The following PIK3C3 variants were observed in gnomAD, a reference collection of about 807,000 sequenced individuals.
The protein encoded by PIK3C3 is phosphatidylinositol 3-kinase catalytic subunit type 3, also known as PI3-kinase type 3.
In PIK3C3, 95 loss-of-function variants were observed where a neutral mutation model predicts 126.1. The observed-to-expected ratio is 0.75, with a 90% confidence interval of 0.64 to 0.89. The LOEUF is 0.89. PIK3C3 is among the 40% of genes least tolerant of loss of function. The pLI is 0.00. For missense variants in PIK3C3, 829 were observed against 1,063.2 expected (o/e 0.78, Z 3.06); for synonymous variants, 374 against 360.0 (o/e 1.04, Z -0.44).
At chr18:42,066,431 C>T (rs999590737) in intron 23 of PIK3C3, among the ~76,000 whole-genome samples, 1 of 152,034 alleles carries the variant, frequency 6.6e-6, no homozygotes, top group Non-Finnish European at 1.5e-5. Context: ...TTCTCCTAGC[C>T]TGTCTTTGAG....
intron 13 of PIK3C3, 111 bp downstream of exon 13, chr18:42,020,816 T>G (rs1434735202): frequency 1.5e-6 from 1 of 649,958 alleles, no homozygotes; most frequent in East Asian, 2.8e-5. Context: ...TCATCAAAAG[T>G]CTAGATATAG....
Position 42,081,185 on chromosome 18 carries a change from T to C in PIK3C3, c.*48T>C. 1 of 1,412,166 alleles carries C rather than the reference T, an allele frequency of 7.1e-7. No homozygotes were observed. The highest frequency in any genetic ancestry group is 9.9e-7 in the Non-Finnish European group (1 of 1,005,634). 87.5% of individuals were successfully genotyped at this position (1,412,166 alleles called of 1,614,324 possible). On this transcript the variant is annotated 3_prime_UTR_variant, in exon 25 of 25. Coordinates refer to ENST00000262039, the MANE Select transcript of PIK3C3 (RefSeq NM_002647.4). ...TGCTTGGCTCAATAAGAAAACCACG[T>C]TAGGAGCAACCTTTGTATATTGGAG...
At chr18:42,004,564 G>A in intron 10 of PIK3C3, 23 bp downstream of exon 10, 1 of 1,549,326 alleles carries the variant, frequency 6.5e-7, no homozygotes, top group Non-Finnish European at 8.7e-7. Flanking sequence ...TTATTATTCT[G>A]CTTCAATGGG....
chr18:42,024,139 A>T (rs987534093), intron 13 of PIK3C3, among the ~76,000 whole-genome samples: 5 of 152,226 alleles, frequency 3.3e-5, no homozygotes, highest in African/African-American at 1.2e-4. Context: ...TCAAGGTAAT[A>T]AAGGTTATTT....
chr18:42,013,206 A>G (rs960512832), intron 10 of PIK3C3, among the ~76,000 whole-genome samples: 1 of 133,216 alleles, frequency 7.5e-6, no homozygotes, highest in African/African-American at 2.9e-5. Context: ...ACTTTCTTTT[A>G]TTTACTAATT....
intron 12 of PIK3C3, among the ~76,000 whole-genome samples, chr18:42,017,726 T>A (rs543395186): frequency 6.6e-6 from 1 of 152,082 alleles, no homozygotes; most frequent in Non-Finnish European, 1.5e-5. Flanking sequence ...TAATAGAGCT[T>A]TGTCTTGATT....
Position 42,083,234 on chromosome 18 carries a change from C to A in PIK3C3, c.*2097C>A, listed in dbSNP as rs1240028118. Reference sequence around the variant, plus strand: ...TCCATTGTTTTTACTCTTTAGAGCTCTATCCTCAGAGTGTAGTCTGCATAT... The same window carrying A: ...TCCATTGTTTTTACTCTTTAGAGCTATATCCTCAGAGTGTAGTCTGCATAT... On this transcript the variant is annotated 3_prime_UTR_variant, in exon 25 of 25. Coordinates refer to ENST00000262039, the MANE Select transcript of PIK3C3 (RefSeq NM_002647.4). The A allele has an allele frequency of 6.6e-6, 1 of 152,174 alleles. No homozygotes were observed. Among genetic ancestry groups the A allele is most frequent in the African/African-American group, 2.4e-5 (1 of 41,438 alleles). 9.4% of individuals were successfully genotyped at this position (152,174 alleles called of 1,614,324 possible).
chr18:42,072,093 A>G (rs939094138), intron 24 of PIK3C3, among the ~76,000 whole-genome samples: 13 of 152,226 alleles, frequency 8.5e-5, no homozygotes, highest in Non-Finnish European at 1.5e-4. Flanking sequence ...AAGTATTGAT[A>G]CTAATAAATC....
At chr18:41,988,394 A>G (rs1027669116) in intron 5 of PIK3C3, among the ~76,000 whole-genome samples, 1 of 152,154 alleles carries the variant, frequency 6.6e-6, no homozygotes, top group Non-Finnish European at 1.5e-5. Context: ...GCCAGTGTGT[A>G]TGTTTAAATA....
chr18:42,011,245 G>C (rs1186956446), intron 10 of PIK3C3, among the ~76,000 whole-genome samples: 5 of 152,202 alleles, frequency 3.3e-5, no homozygotes, highest in Non-Finnish European at 7.3e-5. Context: ...AAGAGAGTCA[G>C]TCTATGGTTG....
At chr18:41,985,624 T>C (rs1032460555) in intron 4 of PIK3C3, among the ~76,000 whole-genome samples, 1 of 152,204 alleles carries the variant, frequency 6.6e-6, no homozygotes, top group African/African-American at 2.4e-5. Flanking sequence ...TTCATTCTTT[T>C]GTGTCTAATT....
At chr18:42,048,267 G>A (rs551842674) in intron 20 of PIK3C3, among the ~76,000 whole-genome samples, 1 of 152,176 alleles carries the variant, frequency 6.6e-6, no homozygotes, top group South Asian at 2.1e-4. Flanking sequence ...CCAGGTGAAG[G>A]CTCTGTGTTT....
In PIK3C3 at chr18:41,975,359, A is replaced by T. The variant is rs190943386; in HGVS notation, c.531+4903A>T. Among the ~76,000 whole-genome samples the T allele has an allele frequency of 2.5e-3, 383 of 152,360 alleles. 2 individuals are homozygous for T. Among genetic ancestry groups the T allele is most frequent in the African/African-American group, 8.9e-3 (371 of 41,590 alleles). ...TTAATTAAGATGAAATAACATTAAA[A>T]ATTCAGTTGCTCTGTCACTTTAACT... On this transcript the variant is annotated intron_variant, in intron 4 of 24. Transcript: ENST00000262039.
intron 12 of PIK3C3, among the ~76,000 whole-genome samples, chr18:42,016,248 T>G (rs1304241109): frequency 6.6e-6 from 1 of 152,164 alleles, no homozygotes; most frequent in African/African-American, 2.4e-5. Context: ...CTTTTAACTA[T>G]TAGCTATTGA....
chr18:41,996,059 C>T, intron 8 of PIK3C3, 65 bp downstream of exon 8: 1 of 998,474 alleles, frequency 1.0e-6, no homozygotes, highest in East Asian at 2.6e-5. Context: ...AAACTGATAG[C>T]TATCACCTCA....
chr18:41,967,701 A>G (rs1280226440), intron 3 of PIK3C3, among the ~76,000 whole-genome samples: 4 of 152,236 alleles, frequency 2.6e-5, no homozygotes, highest in Admixed American at 1.3e-4. Context: ...GAAGTCTAGC[A>G]TATGAAATTT....
chr18:42,047,265 A>G (rs914961694), intron 20 of PIK3C3, among the ~76,000 whole-genome samples: 9 of 152,184 alleles, frequency 5.9e-5, no homozygotes, highest in Admixed American at 1.3e-4. Context: ...TTATTTTTCA[A>G]AATTGTAGGA....
chr18:41,976,875 T>G (rs1292590816), intron 4 of PIK3C3, among the ~76,000 whole-genome samples: 6 of 152,210 alleles, frequency 3.9e-5, no homozygotes, highest in Admixed American at 3.9e-4. Context: ...TTATTTATGG[T>G]TACATATTTG....
chr18:42,058,540 A>T (rs1985174154), intron 22 of PIK3C3, among the ~76,000 whole-genome samples: 1 of 152,154 alleles, frequency 6.6e-6, no homozygotes, highest in South Asian at 2.1e-4. Context: ...TAGCAGCCTT[A>T]GTTTTGGGTA....
Sources: allele counts gnomAD v4.1 joint callset (sites outside exome capture counted in the v4.1 genomes callset), GRCh38; gene constraint gnomAD v4.1.1; transcripts MANE v1.5; gene names NCBI Gene and HGNC (gene_info 2026-07-23, HGNC 2026-07-21).